Variants in HDGFL2 observed in about 807,000 individuals in gnomAD.
HDGFL2 encodes the protein hepatoma-derived growth factor-related protein 2.
HDGFL2 carries 36 observed loss-of-function variants against 77.1 expected under a neutral mutation model. That is an observed-to-expected ratio of 0.47 (90% CI 0.36 to 0.62). The LOEUF is 0.62. HDGFL2 is among the 20% of genes least tolerant of loss of function. HDGFL2 has a pLI of 0.00. For synonymous variants in HDGFL2, 463 were observed against 413.1 expected (o/e 1.12, Z -1.46); for missense variants, 976 against 973.4 (o/e 1.00, Z -0.04).
At chr19:4,495,818 G>A (rs1283548604) in intron 9 of HDGFL2, among the ~76,000 whole-genome samples, 1 of 152,128 alleles carries the variant, frequency 6.6e-6, no homozygotes, top group African/African-American at 2.4e-5. Flanking sequence ...CCTATACCAC[G>A]TGTGGTGCTG....
intron 3 of HDGFL2, among the ~76,000 whole-genome samples, chr19:4,481,761 G>C (rs1314763374): frequency 6.6e-6 from 1 of 151,948 alleles, no homozygotes; most frequent in African/African-American, 2.4e-5. Flanking sequence ...CCGGCCCTCA[G>C]TTTCCTCATC....
At chr19:4,494,585 C>A in intron 9 of HDGFL2, 110 bp downstream of exon 9, 1 of 808,718 alleles carries the variant, frequency 1.2e-6, no homozygotes, top group Non-Finnish European at 1.7e-6. Flanking sequence ...GAAAGCAGTG[C>A]GTGGGCCCAG....
At chr19:4,485,003 T>C (rs577072164) in intron 3 of HDGFL2, among the ~76,000 whole-genome samples, 10 of 152,240 alleles carry the variant, frequency 6.6e-5, no homozygotes, top group Non-Finnish European at 1.0e-4. Context: ...AGACAGGGTT[T>C]CACTGTGTTA....
At chr19:4,489,799 C>A (rs1430680755) in intron 4 of HDGFL2, among the ~76,000 whole-genome samples, 1 of 152,200 alleles carries the variant, frequency 6.6e-6, no homozygotes, top group Non-Finnish European at 1.5e-5. Flanking sequence ...TGAATATACA[C>A]CTCAGTGGTT....
In HDGFL2 at chr19:4,491,944, G is replaced by A. The variant is rs1975526991; in HGVS notation, c.678+109G>A. 4.0e-6 allele frequency: 4 copies of A among 1,004,794 alleles called. No individual in the cohort carries two copies. In the South Asian group the frequency reaches 5.6e-5, roughly 14 times the overall value. The allele number at this position is 1,004,794 out of a possible 1,614,324, so 62.2% of individuals were successfully genotyped here. A position where few individuals can be genotyped will look rare whatever the true frequency, so the allele number is the denominator to read the frequency against. On this transcript the variant is annotated intron_variant, in intron 6 of 15. Transcript: ENST00000616600. ...CCATTTCTGGAGGGGGTGGGACACG[G>A]ACTGCAGGGTACCCGAGGGGACCGC...
Position 4,475,483 on chromosome 19 carries a change from A to G in HDGFL2, c.188A>G (p.Lys63Arg), listed in dbSNP as rs376712241. Residue 63 changes from lysine to arginine, a missense_variant, in exon 3 of 16, where the codon AAA becomes AGA. Physicochemically the swap from Lys to Arg is conservative, Grantham distance 26 (BLOSUM62 2). Coordinates refer to ENST00000616600, the MANE Select transcript of HDGFL2 (RefSeq NM_001001520.3). ...CCCAAGGACCTGTTCCCCTACGACA[A>G]ATGTAAAGACAAGTACGGGAAGCCC... ...LGPKDLFPYD[K>R]CKDKYGKPNK... 10 of 1,610,772 alleles carry G rather than the reference A, an allele frequency of 6.2e-6. No individual in the cohort carries two copies. Among genetic ancestry groups the G allele is most frequent in the Non-Finnish European group, 8.5e-6 (10 of 1,179,226 alleles).
In HDGFL2 at chr19:4,488,690, C is replaced by T. The variant is rs1022311625; in HGVS notation, c.303C>T (p.Ser101=). ...GACTCCCACAGCCAGTGAGCTCCTC[C>T]GACAGCGAGGCCCCCGAGGCCAACC... ...SYSAPPPVSS[S]DSEAPEANPA... is the part of the protein sequence containing the mutation. Residue 101 remains serine (S), a synonymous_variant, in exon 4 of 16, where the codon TCC becomes TCT. Coordinates refer to ENST00000616600, the MANE Select transcript of HDGFL2 (RefSeq NM_001001520.3). The T allele has an allele frequency of 5.0e-5, 78 of 1,545,562 alleles. No homozygotes were observed. Among genetic ancestry groups the T allele is most frequent in the East Asian group, 1.7e-4 (7 of 41,084 alleles).
At chr19:4,480,264 A>T (rs577164673) in intron 3 of HDGFL2, among the ~76,000 whole-genome samples, 1 of 152,294 alleles carries the variant, frequency 6.6e-6, no homozygotes, top group African/African-American at 2.4e-5. Context: ...AACAGAGCTG[A>T]GCTGGGGTCA....
intron 4 of HDGFL2, among the ~76,000 whole-genome samples, chr19:4,490,910 C>G (rs1289590890): frequency 6.6e-6 from 1 of 151,788 alleles, no homozygotes; most frequent in African/African-American, 2.4e-5. Context: ...CTCCCAGGTT[C>G]AAGCGATTAT....
chr19:4,472,783 G>T (rs1568200968), intron 1 of HDGFL2, among the ~76,000 whole-genome samples: 1 of 150,170 alleles, frequency 6.7e-6, no homozygotes, highest in Non-Finnish European at 1.5e-5. Flanking sequence ...GATCCTGCAG[G>T]ACCCGCCGTC....
chr19:4,474,957 C>G (rs1975033962), intron 1 of HDGFL2: 1 of 274,798 alleles, frequency 3.6e-6, no homozygotes, highest in Non-Finnish European at 7.0e-6. Context: ...CAGGAAAGGT[C>G]CTGGGAGTCC....
chr19:4,496,264 T>C, intron 9 of HDGFL2, 38 bp from the exon 10 acceptor site: 3 of 1,557,204 alleles, frequency 1.9e-6, no homozygotes, highest in Non-Finnish European at 2.7e-6. Flanking sequence ...TAATCCCCTC[T>C]TCCCACTGCT....
intron 6 of HDGFL2, among the ~76,000 whole-genome samples, chr19:4,493,445 T>A (rs1358831017): frequency 6.6e-6 from 1 of 152,082 alleles, no homozygotes; most frequent in Non-Finnish European, 1.5e-5. Flanking sequence ...AACCCGGGCT[T>A]CTGATGTACC....
At chr19:4,477,525 T>C (rs1028303679) in intron 3 of HDGFL2, among the ~76,000 whole-genome samples, 6 of 152,182 alleles carry the variant, frequency 3.9e-5, no homozygotes, top group African/African-American at 1.4e-4. Flanking sequence ...GGTAGCTGTT[T>C]CAGGAGATCT....
At position 4,472,430 on chromosome 19, in the gene HDGFL2, C is replaced by T; in HGVS notation, c.72+8C>T. The stretch of plus-strand genomic sequence containing the variant: ...CCTCACTGGCCTGCCAGGGTGAGGC[C>T]GCGCGGGAGATGGGGCCGGTGGGGG... On this transcript the variant is annotated splice_region_variant and intron_variant, in intron 1 of 15. Transcript: ENST00000616600. 2 of 692,834 alleles carry T rather than the reference C, an allele frequency of 2.9e-6. No homozygotes were observed. The highest frequency in any genetic ancestry group is 4.0e-6 in the Non-Finnish European group (2 of 497,306). The allele number at this position is 692,834 out of a possible 1,614,324, so 42.9% of individuals were successfully genotyped here.
At position 4,494,243 on chromosome 19, in the gene HDGFL2, G is replaced by A. The variant is rs1599719665; in HGVS notation, c.992G>A (p.Arg331Gln). 2.7e-6 allele frequency: 4 copies of A among 1,462,864 alleles called. No individual in the cohort carries two copies. Among genetic ancestry groups the A allele is most frequent in the Non-Finnish European group, 2.7e-6 (3 of 1,110,808 alleles). The allele number at this position is 1,462,864 out of a possible 1,614,324, so 90.6% of individuals were successfully genotyped here. Residue 331 changes from arginine to glutamine, a missense_variant, in exon 9 of 16, where the codon CGG (arginine) becomes CAG (glutamine). Around this residue, in one of 5 missense-constraint regions of HDGFL2, gnomAD observed 567 missense variants for 534.7 expected, o/e 1.06. Coordinates refer to ENST00000616600, the MANE Select transcript of HDGFL2 (RefSeq NM_001001520.3). ...EARRRELEARRRREQEEELRR... is the reference protein window; with the variant it reads ...EARRRELEARQRREQEEELRR... ...CGGAGGCGCGAGCTGGAGGCCCGGC[G>A]GCGGCGAGAGCAGGAGGAGGAGCTG...
Position 4,493,787 on chromosome 19 carries a change from T to G in HDGFL2, c.763T>G (p.Ser255Ala). The G allele has an allele frequency of 1.3e-6, 2 of 1,530,096 alleles. No individual in the cohort carries two copies. The highest frequency in any genetic ancestry group is 1.8e-6 in the Non-Finnish European group (2 of 1,133,056). The allele number at this position is 1,530,096 out of a possible 1,614,324, so 94.8% of individuals were successfully genotyped here. ...GCCGGTGGCCATGGCGCGGTCGGCG[T>G]CCTCCTCCTCCTCTTCCTCCTCCTC... ...PEPVAMARSA[S>A]SSSSSSSSSD... Residue 255 changes from serine to alanine, a missense_variant, in exon 7 of 16, where the codon TCC (serine) becomes GCC (alanine). By Grantham distance (99) the Ser-to-Ala change is moderately conservative (BLOSUM62 1). Around this residue, in one of 5 missense-constraint regions of HDGFL2, gnomAD observed 567 missense variants for 534.7 expected, o/e 1.06. Coordinates refer to ENST00000616600, the MANE Select transcript of HDGFL2 (RefSeq NM_001001520.3).
rs1170949535 is a variant in HDGFL2, at chr19:4,498,444, G to A, written c.1473+68G>A. ...ACCTCCCTGCCAGGCTCCCTTAGATGTCTCGGGAAACTGAGGCAAAGCCGG... is the reference window on the plus strand; with the variant it reads ...ACCTCCCTGCCAGGCTCCCTTAGATATCTCGGGAAACTGAGGCAAAGCCGG... On this transcript the variant is annotated intron_variant, in intron 12 of 15. Coordinates refer to ENST00000616600, the MANE Select transcript of HDGFL2 (RefSeq NM_001001520.3). The A allele has an allele frequency of 3.1e-5, 39 of 1,272,546 alleles. No individual in the cohort carries two copies. The East Asian group carries it at 5.8e-4, about 19-fold the overall frequency. 78.8% of individuals were successfully genotyped at this position (1,272,546 alleles called of 1,614,324 possible). A position where few individuals can be genotyped will look rare whatever the true frequency, so the allele number is the denominator to read the frequency against.
chr19:4,501,527 T>G (rs1831243680), intron 15 of HDGFL2: 2 of 545,772 alleles, frequency 3.7e-6, no homozygotes, highest in Non-Finnish European at 6.1e-6. Flanking sequence ...TCCAGGGCTT[T>G]GAGCTGCCTG....
Sources: allele counts gnomAD v4.1 joint callset (sites outside exome capture counted in the v4.1 genomes callset), GRCh38; gene constraint gnomAD v4.1.1; regional missense constraint gnomAD v4.1.1; transcripts MANE v1.5; gene names NCBI Gene and HGNC (gene_info 2026-07-23, HGNC 2026-07-21).